WDR43: variants seen among roughly 807,000 people sequenced by gnomAD.
The protein encoded by WDR43 is WD repeat-containing protein 43.
In WDR43, 13 loss-of-function variants were observed where a neutral mutation model predicts 91.4. The ratio of observed to expected loss-of-function variants is 0.14; its 90% CI spans 0.09 to 0.23. The LOEUF (loss-of-function observed/expected upper bound fraction) is 0.23. Ranked by LOEUF, WDR43 falls within the 10% of genes least tolerant of loss-of-function variation. The pLI is 1.00. For missense variants in WDR43, 780 were observed against 809.4 expected (o/e 0.96, Z 0.44); for synonymous variants, 331 against 287.9 (o/e 1.15, Z -1.51).
At chr2:28,914,371 T>C (rs1429535274) in intron 5 of WDR43, among the ~76,000 whole-genome samples, 163 bp downstream of exon 5, 1 of 152,252 alleles carries the variant, frequency 6.6e-6, no homozygotes, top group Non-Finnish European at 1.5e-5. Context: ...CAGATCTTTC[T>C]GAGAAAAAAT....
At chr2:28,917,824 A>C (rs1181052332) in intron 5 of WDR43, 69 bp from the exon 6 acceptor site, 12 of 1,348,822 alleles carry the variant, frequency 8.9e-6, no homozygotes, top group Non-Finnish European at 1.0e-6. Context: ...ATGCCTCCTT[A>C]GGTGTTTGCC....
chr2:28,919,224 T>G (rs1285706535), intron 6 of WDR43, among the ~76,000 whole-genome samples: 1 of 152,046 alleles, frequency 6.6e-6, no homozygotes, highest in Non-Finnish European at 1.5e-5. Context: ...TGCCACTGCA[T>G]TCCAGCCTGG....
intron 3 of WDR43, among the ~76,000 whole-genome samples, chr2:28,912,178 T>C (rs1053555412): frequency 1.3e-5 from 2 of 152,150 alleles, no homozygotes; most frequent in African/African-American, 4.8e-5. Flanking sequence ...AGGCCAGCCT[T>C]CCAGAGAAAG....
chr2:28,900,395 G>A (rs1473786278), intron 1 of WDR43, among the ~76,000 whole-genome samples: 3 of 152,064 alleles, frequency 2.0e-5, no homozygotes, highest in Non-Finnish European at 4.4e-5. Context: ...TGTTGGCCAG[G>A]CTGGTCTTGA....
At position 28,906,591 on chromosome 2, in the gene WDR43, A is replaced by G. The variant is rs375056643; in HGVS notation, c.485+10A>G. On this transcript the variant is annotated intron_variant, in intron 3 of 17. Transcript: ENST00000407426. ...CATGCAAAGTAAAGTGGTGAGTAAC[A>G]TTCATGGTATCAGGAAATGCAATAG... 19 of 1,610,222 alleles carry G rather than the reference A, an allele frequency of 1.2e-5. No homozygotes were observed. Among genetic ancestry groups the G allele is most frequent in the Non-Finnish European group, 1.4e-5 (17 of 1,178,764 alleles).
intron 1 of WDR43, among the ~76,000 whole-genome samples, chr2:28,900,156 A>G (rs1299694681): frequency 6.6e-6 from 1 of 152,144 alleles, no homozygotes; most frequent in East Asian, 1.9e-4. Flanking sequence ...TTATTTGGGA[A>G]AACCAAGAGT....
intron 8 of WDR43, 44 bp downstream of exon 8, chr2:28,925,197 T>G: frequency 6.6e-7 from 1 of 1,507,594 alleles, no homozygotes; most frequent in African/African-American, 1.4e-5. Context: ...AGCATCCCTG[T>G]GTCCATGGAA....
intron 11 of WDR43, among the ~76,000 whole-genome samples, chr2:28,931,949 A>T (rs1671256138): frequency 7.1e-6 from 1 of 140,474 alleles, no homozygotes; most frequent in Admixed American, 7.6e-5. Flanking sequence ...TTGCAATTGT[A>T]GCTCACTGCA....
At chr2:28,934,757 A>G (rs1006615246) in intron 11 of WDR43, among the ~76,000 whole-genome samples, 9 of 152,094 alleles carry the variant, frequency 5.9e-5, no homozygotes, top group East Asian at 3.9e-4. Flanking sequence ...AACTTCCTCT[A>G]TTTTTGCCTT....
At chr2:28,903,441 C>T (rs2148179206) in intron 2 of WDR43, among the ~76,000 whole-genome samples, 1 of 152,246 alleles carries the variant, frequency 6.6e-6, no homozygotes, top group East Asian at 1.9e-4. Flanking sequence ...ATCATTACCA[C>T]TACTGAATAG....
intron 11 of WDR43, among the ~76,000 whole-genome samples, chr2:28,930,646 A>C (rs1671220988): frequency 6.6e-6 from 1 of 152,240 alleles, no homozygotes; most frequent in Non-Finnish European, 1.5e-5. Context: ...AACAATTGAC[A>C]GTGTTTTTGA....
rs1671581929 is a variant in WDR43, at chr2:28,948,014, T to TA, written c.*1236dup. ...CTGTGAATATGTAAAACAAAACCAT[T>TA]ATCTTTGAGGGAGTTTTTAATACCA... On this transcript the variant is annotated 3_prime_UTR_variant, in exon 18 of 18. Transcript: ENST00000407426. 6.6e-6 allele frequency: 1 copy of TA among 152,008 alleles called. No individual in the cohort carries two copies. The highest frequency in any genetic ancestry group is 2.4e-5 in the African/African-American group (1 of 41,372). The allele number at this position is 152,008 out of a possible 1,614,324, so 9.4% of individuals were successfully genotyped here.
intron 3 of WDR43, 27 bp downstream of exon 3, chr2:28,906,608 A>G (rs1157512001): frequency 1.2e-6 from 2 of 1,605,596 alleles, no homozygotes; most frequent in Non-Finnish European, 1.7e-6. Context: ...GTATCAGGAA[A>G]TGCAATAGAC....
At chr2:28,912,785 A>C in intron 4 of WDR43, 75 bp downstream of exon 4, 1 of 1,548,552 alleles carries the variant, frequency 6.5e-7, no homozygotes, top group Non-Finnish European at 8.7e-7. Context: ...TTGAACCATA[A>C]GATATTATTT....
intron 6 of WDR43, among the ~76,000 whole-genome samples, chr2:28,920,349 C>T (rs560628502): frequency 4.7e-5 from 7 of 149,136 alleles, no homozygotes; most frequent in Non-Finnish European, 8.9e-5. Context: ...CCTCAATATC[C>T]CAAGTAGCTG....
chr2:28,934,369 G>A (rs1671300933), intron 11 of WDR43, among the ~76,000 whole-genome samples: 1 of 152,142 alleles, frequency 6.6e-6, no homozygotes, highest in Admixed American at 6.5e-5. Context: ...CATGGGTAAA[G>A]AGTATGTCAA....
Position 28,946,431 on chromosome 2 carries a change from G to T in WDR43, c.1805-19G>T. The stretch of plus-strand genomic sequence containing the variant: ...TGTTTTGTTCTAAAATTAAGGCTGG[G>T]TTCTTTCTCCCCTTACAGAGTCTTC... On this transcript the variant is annotated intron_variant, in intron 16 of 17. Coordinates refer to ENST00000407426, the MANE Select transcript of WDR43 (RefSeq NM_015131.3). The T allele has an allele frequency of 1.2e-6, 2 of 1,602,816 alleles. No homozygotes were observed. Among genetic ancestry groups the T allele is most frequent in the Non-Finnish European group, 1.7e-6 (2 of 1,174,846 alleles).
chr2:28,928,503 T>C (rs1227919381), intron 10 of WDR43, among the ~76,000 whole-genome samples: 1 of 152,232 alleles, frequency 6.6e-6, no homozygotes, highest in East Asian at 1.9e-4. Flanking sequence ...TTCAACTTTT[T>C]AATTTCCCCA....
At position 28,912,617 on chromosome 2, in the gene WDR43, C is replaced by T; in HGVS notation, c.513C>T (p.Val171=). Residue 171 remains valine (V), a synonymous_variant, in exon 4 of 18, where the codon GTC becomes GTT. Coordinates refer to ENST00000407426, the MANE Select transcript of WDR43 (RefSeq NM_015131.3). Reference sequence around the variant, plus strand: ...AATGGAAAGGCGACAATAGCAGTGTCAGTTCCCTATGTATCAGCCCAGATG... The same window carrying T: ...AATGGAAAGGCGACAATAGCAGTGTTAGTTCCCTATGTATCAGCCCAGATG... ...KCKWKGDNSS[V]SSLCISPDGK... 1 of 1,613,864 alleles carries T rather than the reference C, an allele frequency of 6.2e-7. No individual in the cohort carries two copies. Among genetic ancestry groups the T allele is most frequent in the Non-Finnish European group, 8.5e-7 (1 of 1,179,850 alleles).
Sources: allele counts gnomAD v4.1 joint callset (sites outside exome capture counted in the v4.1 genomes callset), GRCh38; gene constraint gnomAD v4.1.1; transcripts MANE v1.5; gene names NCBI Gene and HGNC (gene_info 2026-07-23, HGNC 2026-07-21).